Variants in SEC31A observed in about 807,000 individuals in gnomAD.
SEC31A encodes protein transport protein Sec31A.
A neutral mutation model predicts 151.0 loss-of-function variants in SEC31A; 70 were observed. That is an observed-to-expected ratio of 0.46 (90% CI 0.38 to 0.57). SEC31A has a LOEUF of 0.57. Ranked by LOEUF, SEC31A falls within the 20% of genes least tolerant of loss-of-function variation. The pLI, the probability that SEC31A is intolerant of heterozygous loss-of-function variation, is 0.00. For synonymous variants in SEC31A, 475 were observed against 505.9 expected (o/e 0.94, Z 0.82); for missense variants, 1,330 against 1,471.2 (o/e 0.90, Z 1.57).
chr4:82,888,066 CA>C (rs1237438968), intron 1 of SEC31A, among the ~76,000 whole-genome samples: 20 of 137,130 alleles, frequency 1.5e-4, no homozygotes, highest in Admixed American at 2.2e-4. Flanking sequence ...AACAAACAAA[CA>C]AACAACAACA....
intron 1 of SEC31A, among the ~76,000 whole-genome samples, chr4:82,887,388 G>GAGAAA (rs58208029): frequency 0.44 from 66,952 of 150,670 alleles, 17,454 homozygotes; most frequent in Admixed American, 0.58. Flanking sequence ...AGAAAACATT[G>GAGAAA]AGAAAAGAAA....
At position 82,874,688 on chromosome 4, in the gene SEC31A, T is replaced by G; in HGVS notation, c.562A>C (p.Ser188Arg). 1 of 1,613,418 alleles carries G rather than the reference T, an allele frequency of 6.2e-7. No individual in the cohort carries two copies. The highest frequency in any genetic ancestry group is 8.5e-7 in the Non-Finnish European group (1 of 1,179,896). Residue 188 changes from serine to arginine, a missense_variant, in exon 6 of 27, where the codon AGT (serine) becomes CGT (arginine). Coordinates refer to ENST00000395310, the MANE Select transcript of SEC31A (RefSeq NM_001077207.4). Reference protein sequence around the residue: ...RQVQHILASASPSGRATVWDL... With the variant: ...RQVQHILASARPSGRATVWDL... Reference sequence around the variant, plus strand: ...CATACAGTGGCCCGGCCACTGGGACTGGCTGATGCTAAAATATGCTGAACT... The same window carrying G: ...CATACAGTGGCCCGGCCACTGGGACGGGCTGATGCTAAAATATGCTGAACT...
In SEC31A at chr4:82,854,924, C is replaced by T. The variant is rs1490558971; in HGVS notation, c.1987G>A (p.Asp663Asn). ...TTACCACAAAGGGCTGAAAATTCATCCGGCTTTGCATAAGTCAATACTGCA... is the reference window on the plus strand; with the variant it reads ...TTACCACAAAGGGCTGAAAATTCATTCGGCTTTGCATAAGTCAATACTGCA... ...LAAVLTYAKP[D>N]EFSALCDLLG... The change falls in exon 17 of 27, where the codon GAT (aspartate) becomes AAT (asparagine). Residue 663 changes from aspartate to asparagine, a missense_variant. By Grantham distance (23) the Asp-to-Asn change is conservative. Coordinates refer to ENST00000395310, the MANE Select transcript of SEC31A (RefSeq NM_001077207.4). The T allele has an allele frequency of 4.3e-6, 7 of 1,612,688 alleles. No individual in the cohort carries two copies. Among genetic ancestry groups the T allele is most frequent in the South Asian group, 1.1e-5 (1 of 90,690 alleles).
intron 14 of SEC31A, among the ~76,000 whole-genome samples, chr4:82,858,847 T>C (rs1450163343): frequency 2.6e-5 from 4 of 151,488 alleles, no homozygotes; most frequent in African/African-American, 4.8e-5. Context: ...GGACTACAGG[T>C]GCCCACCACC....
At chr4:82,858,901 C>T (rs567938460) in intron 14 of SEC31A, among the ~76,000 whole-genome samples, 99 of 152,036 alleles carry the variant, frequency 6.5e-4, no homozygotes, top group Non-Finnish European at 1.3e-3. Flanking sequence ...CGGGGTTTCA[C>T]TGTGTTAGCC....
In SEC31A at chr4:82,853,733, A is replaced by G. The variant is rs1731938102; in HGVS notation, c.2009-18T>C. ...CAAAAGATCTGTAAGTAAGAGGAAA[A>G]TAAAATAAGATTATACCCAAGGCAA... On this transcript the variant is annotated intron_variant, in intron 17 of 26. Coordinates refer to ENST00000395310, the MANE Select transcript of SEC31A (RefSeq NM_001077207.4). 3 of 1,591,978 alleles carry G rather than the reference A, an allele frequency of 1.9e-6. No individual in the cohort carries two copies. The East Asian group carries it at 6.8e-5, about 36-fold the overall frequency.
At chr4:82,870,287 T>C (rs1369928977) in intron 8 of SEC31A, 38 bp downstream of exon 8, 2 of 1,495,556 alleles carry the variant, frequency 1.3e-6, no homozygotes, top group Non-Finnish European at 1.9e-6. Context: ...TAACATACTA[T>C]AAGGGCTACA....
At chr4:82,885,615 A>T (rs1207226094) in intron 1 of SEC31A, among the ~76,000 whole-genome samples, 1 of 152,152 alleles carries the variant, frequency 6.6e-6, no homozygotes, top group African/African-American at 2.4e-5. Flanking sequence ...TGAACTCCTT[A>T]TACTTCTACT....
In SEC31A at chr4:82,891,095, G is replaced by A. The variant is rs1405329331; in HGVS notation, c.-12C>T. 4 of 1,535,966 alleles carry A rather than the reference G, an allele frequency of 2.6e-6. No homozygotes were observed. The highest frequency in any genetic ancestry group is 3.5e-6 in the Non-Finnish European group (4 of 1,146,782). On this transcript the variant is annotated 5_prime_UTR_variant, in exon 1 of 27. Transcript: ENST00000395310. ...AGCAACGGGCGGACGCACCTGGCGA[G>A]GACCTTCGGCAGCCGGATCCTGCGT...
intron 11 of SEC31A, 54 bp downstream of exon 11, chr4:82,864,308 G>C (rs1276348206): frequency 4.2e-6 from 5 of 1,198,394 alleles, no homozygotes; most frequent in Non-Finnish European, 6.1e-6. Context: ...GAATATAAAG[G>C]AACAGTTAAA....
At chr4:82,871,402 C>T (rs7686508) in intron 7 of SEC31A, 46 of 1,522,504 alleles carry the variant, frequency 3.0e-5, no homozygotes, top group East Asian at 7.3e-5. Context: ...TGCAGTAAGT[C>T]GTTACTTAAT....
chr4:82,885,629 T>A (rs969726711), intron 1 of SEC31A, among the ~76,000 whole-genome samples: 1 of 152,196 alleles, frequency 6.6e-6, no homozygotes, highest in South Asian at 2.1e-4. Flanking sequence ...TTCTACTAAC[T>A]GATCTGTCAG....
rs767099733 is a variant in SEC31A at position 82,857,762 on chromosome 4, G to A, written c.1629C>T (p.His543=). The A allele has an allele frequency of 7.0e-6, 11 of 1,580,420 alleles. No individual in the cohort carries two copies. The South Asian group carries it at 7.9e-5, about 11-fold the overall frequency. ...PAAEEQLLGE[H]IKEEKEESEF... The stretch of plus-strand genomic sequence containing the variant: ...CAGATTCTTCTTTTTCCTCTTTAAT[G>A]TGCTAAAGAGATGAAAAAAGCAACA... The change falls in exon 15 of 27, where the codon CAC becomes CAT. Residue 543 remains histidine, a splice_region_variant and synonymous_variant. Transcript: ENST00000395310.
At chr4:82,829,876 T>A (rs537135387) in intron 22 of SEC31A, among the ~76,000 whole-genome samples, 3 of 152,342 alleles carry the variant, frequency 2.0e-5, no homozygotes, top group Admixed American at 2.0e-4. Flanking sequence ...TACAACATGC[T>A]GGAAATAAGA....
At chr4:82,841,314 T>C (rs933716000) in intron 22 of SEC31A, among the ~76,000 whole-genome samples, 1 of 150,666 alleles carries the variant, frequency 6.6e-6, no homozygotes, top group African/African-American at 2.4e-5. Flanking sequence ...TCCCAACTAC[T>C]TGGGAGGCTG....
At chr4:82,827,947 C>T (rs1724997821) in intron 23 of SEC31A, among the ~76,000 whole-genome samples, 1 of 151,632 alleles carries the variant, frequency 6.6e-6, no homozygotes, top group African/African-American at 2.4e-5. Flanking sequence ...TAGAGTCCCG[C>T]TCTGTCGCCC....
At chr4:82,824,338 G>T (rs1724067940) in intron 25 of SEC31A, among the ~76,000 whole-genome samples, 1 of 151,988 alleles carries the variant, frequency 6.6e-6, no homozygotes, top group African/African-American at 2.4e-5. Flanking sequence ...CGAGTAGCTG[G>T]GACTACAGGT....
At chr4:82,846,057 G>A in intron 20 of SEC31A, among the ~76,000 whole-genome samples, 1 of 152,068 alleles carries the variant, frequency 6.6e-6, no homozygotes, top group Non-Finnish European at 1.5e-5. Context: ...AGGCTGAAGT[G>A]CAGTGGTGCG....
In SEC31A at chr4:82,842,173, CAGGCAGTGTACCTGTTGTTCCAGG is replaced by C. The variant is rs1359992519; in HGVS notation, c.2911_2934del (p.Pro971_Pro978del). 1 of 1,576,656 alleles carries C rather than the reference CAGGCAGTGTACCTGTTGTTCCAGG, an allele frequency of 6.3e-7. No homozygotes were observed. Among genetic ancestry groups the C allele is most frequent in the Admixed American group, 1.8e-5 (1 of 56,308 alleles). On this transcript the variant is annotated inframe_deletion, in exon 22 of 27. Coordinates refer to ENST00000395310, the MANE Select transcript of SEC31A (RefSeq NM_001077207.4). ...TGGGACGCAGGCAGCTCACTGGCAG[CAGGCAGTGTACCTGTTGTTCCAGG>C]AGGCAGTGCATAAGCTGAAGATGAT...
Sources: allele counts gnomAD v4.1 joint callset (sites outside exome capture counted in the v4.1 genomes callset), GRCh38; gene constraint gnomAD v4.1.1; transcripts MANE v1.5; gene names NCBI Gene and HGNC (gene_info 2026-07-23, HGNC 2026-07-21).